The following LRMDA variants were observed in gnomAD, a reference collection of about 807,000 sequenced individuals.
The protein encoded by LRMDA is leucine rich melanocyte differentiation associated.
Under a neutral mutation model 29.8 loss-of-function variants are expected in LRMDA, and 18 were observed. The ratio of observed to expected loss-of-function variants is 0.60; its 90% CI spans 0.42 to 0.90. The LOEUF (loss-of-function observed/expected upper bound fraction) is 0.90. LRMDA is among the 40% of genes least tolerant of loss of function. The pLI, the probability that LRMDA is intolerant of heterozygous loss-of-function variation, is 0.00. For missense variants in LRMDA, 273 were observed against 273.9 expected (o/e 1.00, Z 0.02); for synonymous variants, 125 against 109.4 (o/e 1.14, Z -0.89).
At chr10:76,004,459 A>G (rs1847613197) in intron 2 of LRMDA, among the ~76,000 whole-genome samples, 1 of 152,212 alleles carries the variant, frequency 6.6e-6, no homozygotes, top group Non-Finnish European at 1.5e-5. Flanking sequence ...AGATTGACGC[A>G]GAGTAAACTG....
At chr10:76,335,096 C>G (rs1016816669) in intron 6 of LRMDA, among the ~76,000 whole-genome samples, 1 of 152,168 alleles carries the variant, frequency 6.6e-6, no homozygotes, top group South Asian at 2.1e-4. Flanking sequence ...GTTGTGGATT[C>G]TTGTCTAGTT....
chr10:76,499,312 G>T lies in LRMDA; in HGVS notation c.602-57897G>T, dbSNP rs1277794951. ...CTACTTTCTCTATATATGTATTTGCGCATTCTGGACATTTCACATAAATGC... is the reference window on the plus strand; with the variant it reads ...CTACTTTCTCTATATATGTATTTGCTCATTCTGGACATTTCACATAAATGC... On this transcript the variant is annotated intron_variant, in intron 6 of 6. Coordinates refer to ENST00000611255, the MANE Select transcript of LRMDA (RefSeq NM_001305581.2). 2.7e-5 allele frequency among the ~76,000 whole-genome samples: 2 copies of T among 73,644 alleles called. 1 individual carries two copies. The highest frequency in any genetic ancestry group is 9.0e-5 in the Non-Finnish European group (2 of 22,310). 48.3% of individuals were successfully genotyped at this position (73,644 alleles called of 152,430 possible).
chr10:75,561,295 C>A (rs1840290992), intron 2 of LRMDA, among the ~76,000 whole-genome samples: 1 of 150,428 alleles, frequency 6.6e-6, no homozygotes, highest in African/African-American at 2.4e-5. Context: ...TTATCCATTT[C>A]TTCTAGATTT....
intron 5 of LRMDA, among the ~76,000 whole-genome samples, chr10:76,272,237 C>A (rs117218178): frequency 8.5e-5 from 13 of 152,330 alleles, no homozygotes; most frequent in Non-Finnish European, 1.8e-4. Context: ...AAGAGGGTTA[C>A]AATTTGTCTA....
chr10:75,706,414 T>C (rs1174070573), intron 2 of LRMDA, among the ~76,000 whole-genome samples: 2 of 152,220 alleles, frequency 1.3e-5, no homozygotes, highest in Non-Finnish European at 2.9e-5. Flanking sequence ...TTAAAAGTCT[T>C]AGATAAGTTT....
chr10:76,273,206 C>T (rs541434436), intron 5 of LRMDA, among the ~76,000 whole-genome samples: 1 of 152,182 alleles, frequency 6.6e-6, no homozygotes, highest in East Asian at 1.9e-4. Flanking sequence ...CCTTCTAGAC[C>T]AAAACCTTTT....
intron 6 of LRMDA, among the ~76,000 whole-genome samples, chr10:76,342,673 G>C (rs1466119483): frequency 1.3e-5 from 2 of 151,922 alleles, no homozygotes; most frequent in African/African-American, 4.8e-5. Flanking sequence ...AAAAGCCATA[G>C]AAACAAGAGA....
At chr10:76,134,442 A>G (rs1220884462) in intron 5 of LRMDA, among the ~76,000 whole-genome samples, 1 of 152,148 alleles carries the variant, frequency 6.6e-6, no homozygotes, top group African/African-American at 2.4e-5. Context: ...CCCTCCTAAC[A>G]TGGGAACAAA....
At chr10:76,490,515 C>T (rs982330687) in intron 6 of LRMDA, among the ~76,000 whole-genome samples, 1 of 151,806 alleles carries the variant, frequency 6.6e-6, no homozygotes, top group African/African-American at 2.4e-5. Flanking sequence ...TGAATTGACC[C>T]TTTTTCATTA....
intron 5 of LRMDA, among the ~76,000 whole-genome samples, chr10:76,286,453 A>G (rs1303552417): frequency 6.6e-6 from 1 of 152,180 alleles, no homozygotes; most frequent in Non-Finnish European, 1.5e-5. Context: ...GTGGTTTTCA[A>G]ACTGCATTTC....
At chr10:76,220,942 C>T (rs1392612520) in intron 5 of LRMDA, among the ~76,000 whole-genome samples, 1 of 151,914 alleles carries the variant, frequency 6.6e-6, no homozygotes, top group Non-Finnish European at 1.5e-5. Flanking sequence ...TGGGCTTCAT[C>T]CCTGGGATGC....
chr10:75,506,785 TG>T (rs1372350548), intron 2 of LRMDA, among the ~76,000 whole-genome samples: 2 of 152,184 alleles, frequency 1.3e-5, no homozygotes, highest in Non-Finnish European at 1.5e-5. Context: ...CCTGGTGTCT[TG>T]GAGTGTGAAA....
intron 6 of LRMDA, 103 bp downstream of exon 6, chr10:76,324,588 AC>A: frequency 1.0e-6 from 1 of 1,002,474 alleles, no homozygotes; most frequent in Non-Finnish European, 1.5e-6. Flanking sequence ...TAGAAAGAAC[AC>A]AGTGCTTTTT....
intron 5 of LRMDA, among the ~76,000 whole-genome samples, chr10:76,116,630 G>A (rs1022954746): frequency 6.6e-6 from 1 of 152,158 alleles, no homozygotes; most frequent in African/African-American, 2.4e-5. Context: ...CCCGGTCAAA[G>A]GTTTAAACCT....
chr10:75,907,282 C>A (rs61862122), intron 2 of LRMDA, among the ~76,000 whole-genome samples: 3 of 152,066 alleles, frequency 2.0e-5, no homozygotes, highest in Non-Finnish European at 4.4e-5. Context: ...TGTTTAATTG[C>A]AAGTTCAATT....
At chr10:76,443,061 C>G (rs1198067812) in intron 6 of LRMDA, among the ~76,000 whole-genome samples, 5 of 152,120 alleles carry the variant, frequency 3.3e-5, no homozygotes, top group Non-Finnish European at 1.5e-5. Flanking sequence ...GATGAATTAG[C>G]TATGGAGTCA....
At position 76,389,926 on chromosome 10, in the gene LRMDA, T is replaced by C. The variant is rs753780846; in HGVS notation, c.601+65441T>C. 1.5e-4 allele frequency among the ~76,000 whole-genome samples: 23 copies of C among 152,206 alleles called. 1 individual carries two copies. Among genetic ancestry groups the C allele is most frequent in the Non-Finnish European group, 2.6e-4 (18 of 68,036 alleles). Reference sequence around the variant, plus strand: ...CTTTTATCTATTATGAATAGCTCTGTACATGGATGTACAAATGCTTCTTAA... The same window carrying C: ...CTTTTATCTATTATGAATAGCTCTGCACATGGATGTACAAATGCTTCTTAA... On this transcript the variant is annotated intron_variant, in intron 6 of 6. Coordinates refer to ENST00000611255, the MANE Select transcript of LRMDA (RefSeq NM_001305581.2).
intron 5 of LRMDA, among the ~76,000 whole-genome samples, chr10:76,207,323 C>T (rs1343643896): frequency 6.6e-6 from 1 of 152,172 alleles, no homozygotes; most frequent in Non-Finnish European, 1.5e-5. Context: ...TCTGACTAGC[C>T]TTTAAGACAT....
At chr10:76,471,707 TTGAAAG>T (rs1201635818) in intron 6 of LRMDA, among the ~76,000 whole-genome samples, 2 of 151,602 alleles carry the variant, frequency 1.3e-5, no homozygotes, top group African/African-American at 2.4e-5. Context: ...TACAGATAGT[TTGAAAG>T]TAAAAGAATT....
Sources: gnomAD v4.1 joint callset for allele counts (sites outside exome capture counted in the v4.1 genomes callset) on GRCh38, gnomAD v4.1.1 for gene constraint, MANE v1.5 for transcripts, NCBI Gene and HGNC (gene_info 2026-07-23, HGNC 2026-07-21) for gene names.